ABLIM1: variants seen among roughly 807,000 people sequenced by gnomAD.
ABLIM1 encodes the protein actin binding LIM protein 1, also known as actin-binding LIM protein 1.
A neutral mutation model predicts 107.0 loss-of-function variants in ABLIM1; 40 were observed. The ratio of observed to expected loss-of-function variants is 0.37; its 90% CI spans 0.29 to 0.49. The LOEUF (loss-of-function observed/expected upper bound fraction) is 0.49, where lower values mean the gene tolerates loss of function less well. Among genes scored for constraint, ABLIM1 ranks in the 20% least tolerant of loss-of-function variants. The pLI is 0.97. For missense variants in ABLIM1, 857 were observed against 1,008.5 expected (o/e 0.85, Z 2.04); for synonymous variants, 357 against 357.3 (o/e 1.00, Z 0.01).
In ABLIM1 at chr10:114,526,348, A is replaced by C. The variant is rs561719557; in HGVS notation, c.894+18657T>G. Among the ~76,000 whole-genome samples the C allele has an allele frequency of 3.9e-4, 59 of 152,294 alleles. 1 individual carries two copies. The highest frequency in any genetic ancestry group is 2.0e-3 in the Admixed American group (31 of 15,292). On this transcript the variant is annotated intron_variant, in intron 6 of 22. Coordinates refer to ENST00000533213, the MANE Select transcript of ABLIM1 (RefSeq NM_002313.7). ...TTTCAATCTTGCGGGTAGCAGCCTAAAAAAACATAAGCCTTGTTTAAAAGG... is the reference window on the plus strand; with the variant it reads ...TTTCAATCTTGCGGGTAGCAGCCTACAAAAACATAAGCCTTGTTTAAAAGG...
intron 4 of ABLIM1, among the ~76,000 whole-genome samples, chr10:114,560,341 C>T (rs972359411): frequency 2.0e-5 from 3 of 152,138 alleles, no homozygotes; most frequent in African/African-American, 7.2e-5. Flanking sequence ...AGTCATGCAC[C>T]ACATAATGAT....
At chr10:114,746,330 A>G (rs2082384330) in intron 1 of ABLIM1, among the ~76,000 whole-genome samples, 1 of 152,228 alleles carries the variant, frequency 6.6e-6, no homozygotes, top group African/African-American at 2.4e-5. Context: ...ATAAGCAGGA[A>G]CGTGTGGTAC....
intron 1 of ABLIM1, among the ~76,000 whole-genome samples, chr10:114,756,831 T>C (rs2082640623): frequency 6.6e-6 from 1 of 152,190 alleles, no homozygotes; most frequent in African/African-American, 2.4e-5. Context: ...CAGGATGCAC[T>C]GGTATCCTTC....
chr10:114,756,562 T>C lies in ABLIM1; in HGVS notation c.-213+11499A>G, dbSNP rs1337811440. ...GAGCCTAGTATGTCTCTCCAATGAC[T>C]TAAATATTTTATGTTTCTCAGTAGA... On this transcript the variant is annotated intron_variant, in intron 1 of 15. Coordinates refer to the ABLIM1 transcript ENST00000651092. 5.3e-5 allele frequency among the ~76,000 whole-genome samples: 8 copies of C among 152,228 alleles called. No homozygotes were observed. In the South Asian group the frequency reaches 1.2e-3, roughly 24 times the overall value.
At chr10:114,681,644 T>C (rs1376113802) in intron 1 of ABLIM1, among the ~76,000 whole-genome samples, 1 of 152,230 alleles carries the variant, frequency 6.6e-6, no homozygotes, top group African/African-American at 2.4e-5. Context: ...GCAGGACATA[T>C]GTTTCCCAGG....
chr10:114,487,621 C>T (rs953056473), intron 8 of ABLIM1, among the ~76,000 whole-genome samples: 1 of 152,138 alleles, frequency 6.6e-6, no homozygotes, highest in Non-Finnish European at 1.5e-5. Flanking sequence ...AGCACCAAAA[C>T]AGTCTGGTGA....
Position 114,681,111 on chromosome 10 carries a change from A to C in ABLIM1, c.64+3179T>G, listed in dbSNP as rs1260575962. Among the ~76,000 whole-genome samples, 3 of 152,228 alleles carry C rather than the reference A, an allele frequency of 2.0e-5. No homozygotes were observed. The East Asian group carries it at 5.8e-4, about 29-fold the overall frequency. On this transcript the variant is annotated intron_variant, in intron 1 of 23. Transcript: ENST00000369256. ...GATTAATCCATGAATCTGCAGGTAC[A>C]TTTAGCTAGTCATACAACCAGCATT...
At chr10:114,723,719 A>C (rs2142069352) in intron 1 of ABLIM1, among the ~76,000 whole-genome samples, 1 of 152,350 alleles carries the variant, frequency 6.6e-6, no homozygotes, top group African/African-American at 2.4e-5. Context: ...CTTTGTCTAC[A>C]CAGCACACAC....
At chr10:114,653,913 C>T (rs1157720632) in intron 1 of ABLIM1, among the ~76,000 whole-genome samples, 1 of 152,208 alleles carries the variant, frequency 6.6e-6, no homozygotes, top group Non-Finnish European at 1.5e-5. Context: ...TTGTTTTGAG[C>T]TTTACAAAGG....
At chr10:114,621,367 A>G (rs542786741) in intron 1 of ABLIM1, among the ~76,000 whole-genome samples, 1 of 152,324 alleles carries the variant, frequency 6.6e-6, no homozygotes, top group East Asian at 1.9e-4. Flanking sequence ...TGCTATATCT[A>G]GATGGCTTAT....
At chr10:114,654,863 A>G (rs944746561) in intron 1 of ABLIM1, among the ~76,000 whole-genome samples, 3 of 152,300 alleles carry the variant, frequency 2.0e-5, no homozygotes, top group East Asian at 1.9e-4. Flanking sequence ...AGTCATGCCA[A>G]TGGGTTTCTT....
At chr10:114,782,405 G>T in the ABLIM1 span, among the ~76,000 whole-genome samples, 3 of 152,050 alleles carry the variant, frequency 2.0e-5, no homozygotes, top group African/African-American at 7.3e-5. Context: ...ACTACCCACA[G>T]AAAGAGCAAG....
chr10:114,796,193 G>A, the ABLIM1 span, among the ~76,000 whole-genome samples: 2 of 152,174 alleles, frequency 1.3e-5, no homozygotes, highest in Non-Finnish European at 2.9e-5. Context: ...AAGCATAGAG[G>A]CTTAAAACAA....
intron 7 of ABLIM1, among the ~76,000 whole-genome samples, chr10:114,490,972 A>ATGTGTGTGTGTG (rs1565576792): frequency 5.9e-5 from 5 of 85,034 alleles, no homozygotes; most frequent in African/African-American, 2.4e-4. Context: ...CCCGGCATAT[A>ATGTGTGTGTGTG]TATGTGTGTG....
intron 6 of ABLIM1, among the ~76,000 whole-genome samples, chr10:114,494,865 G>A (rs7073053): frequency 0.026 from 3,888 of 152,138 alleles, 167 homozygotes; most frequent in African/African-American, 0.089. Flanking sequence ...CAATAAAATG[G>A]GTAGAAATAA....
the ABLIM1 span, among the ~76,000 whole-genome samples, chr10:114,774,564 G>A: frequency 6.6e-6 from 1 of 152,182 alleles, no homozygotes; most frequent in Non-Finnish European, 1.5e-5. Flanking sequence ...AGTTCCACGA[G>A]GATAGGTAAA....
At chr10:114,692,524 C>G (rs542107751) in intron 1 of ABLIM1, among the ~76,000 whole-genome samples, 11 of 152,178 alleles carry the variant, frequency 7.2e-5, no homozygotes, top group Non-Finnish European at 1.5e-4. Flanking sequence ...ACCTTTCCCC[C>G]CATCATCTCC....
rs142696377 is a variant in ABLIM1, at chr10:114,499,461, T to C, written c.895-7583A>G. Among the ~76,000 whole-genome samples, 429 of 152,336 alleles carry C rather than the reference T, an allele frequency of 2.8e-3. 11 individuals are homozygous for C. Among genetic ancestry groups the C allele is most frequent in the Admixed American group, 0.016 (249 of 15,308 alleles). Reference sequence around the variant, plus strand: ...CCTAAGACTCTCCCAAACACAGCTCTGGTGGATGGTGATTTCAGACTAAGG... The same window carrying C: ...CCTAAGACTCTCCCAAACACAGCTCCGGTGGATGGTGATTTCAGACTAAGG... On this transcript the variant is annotated intron_variant, in intron 6 of 22. Transcript: ENST00000533213.
chr10:114,485,228 A>G, intron 8 of ABLIM1: 2 of 1,268,632 alleles, frequency 1.6e-6, no homozygotes, highest in Non-Finnish European at 2.1e-6. Context: ...AAAGCAGCCC[A>G]GGGGAAAAGC....
Sources: allele counts gnomAD v4.1 joint callset (sites outside exome capture counted in the v4.1 genomes callset), GRCh38; gene constraint gnomAD v4.1.1; transcripts MANE v1.5; gene names NCBI Gene and HGNC (gene_info 2026-07-23, HGNC 2026-07-21).